INSYN2A: variants seen among roughly 807,000 people sequenced by gnomAD.
INSYN2A encodes family with sequence similarity 196 member A.
A neutral mutation model predicts 39.4 loss-of-function variants in INSYN2A; 17 were observed. The ratio of observed to expected loss-of-function variants is 0.43; its 90% CI spans 0.30 to 0.65. The LOEUF (loss-of-function observed/expected upper bound fraction) is 0.65, where lower values mean the gene tolerates loss of function less well. Ranked by LOEUF, INSYN2A falls within the 30% of genes least tolerant of loss-of-function variation. The pLI is 0.14. For missense variants in INSYN2A, 595 were observed against 631.2 expected (o/e 0.94, Z 0.61); for synonymous variants, 255 against 265.7 (o/e 0.96, Z 0.39).
At chr10:127,143,838 TTTG>T (rs2051516358) in intron 5 of INSYN2A, among the ~76,000 whole-genome samples, 2 of 152,122 alleles carry the variant, frequency 1.3e-5, no homozygotes, top group Admixed American at 1.3e-4. Context: ...ACCCCAAATA[TTTG>T]TTGTTCTCTT....
At chr10:127,172,493 TC>T (rs1261985941) in intron 4 of INSYN2A, among the ~76,000 whole-genome samples, 1 of 152,150 alleles carries the variant, frequency 6.6e-6, no homozygotes, top group Non-Finnish European at 1.5e-5. Context: ...GCTGCAGTCC[TC>T]TCCTATGTTC....
At chr10:127,187,525 T>C (rs1338592154) in intron 2 of INSYN2A, among the ~76,000 whole-genome samples, 1 of 152,104 alleles carries the variant, frequency 6.6e-6, no homozygotes, top group African/African-American at 2.4e-5. Flanking sequence ...TAAAAGTTGT[T>C]TTGGTTTTTG....
intron 4 of INSYN2A, among the ~76,000 whole-genome samples, chr10:127,164,970 G>T (rs997385310): frequency 4.6e-5 from 7 of 152,170 alleles, no homozygotes; most frequent in African/African-American, 1.4e-4. Flanking sequence ...TTATTTTCCT[G>T]GAGGAGAGAT....
chr10:127,165,898 C>G (rs2054025312), intron 4 of INSYN2A, among the ~76,000 whole-genome samples: 1 of 152,170 alleles, frequency 6.6e-6, no homozygotes, highest in Non-Finnish European at 1.5e-5. Flanking sequence ...GAGGGGATCT[C>G]TGCTGTCTCT....
At chr10:127,154,413 A>G (rs2052828239) in intron 4 of INSYN2A, among the ~76,000 whole-genome samples, 1 of 152,174 alleles carries the variant, frequency 6.6e-6, no homozygotes, top group South Asian at 2.1e-4. Flanking sequence ...TAAGCACTTG[A>G]AAAAAAATTG....
rs776080946 is a variant in INSYN2A, at chr10:127,191,543, G to T, written c.-269+1062C>A. Among the ~76,000 whole-genome samples the T allele has an allele frequency of 7.9e-5, 12 of 152,090 alleles. No individual in the cohort carries two copies. In the South Asian group the frequency reaches 1.7e-3, roughly 21 times the overall value. On this transcript the variant is annotated intron_variant, in intron 2 of 5. Transcript: ENST00000522781. ...CTGTACAAAATGCAGGTAGTAAGAG[G>T]TATCTAAAATGTAACCACTAAGTAC...
chr10:127,180,991 C>T (rs943698576), intron 2 of INSYN2A, among the ~76,000 whole-genome samples: 11 of 151,934 alleles, frequency 7.2e-5, no homozygotes, highest in Admixed American at 5.2e-4. Context: ...ATGAAAATAA[C>T]ACAAGGTAAA....
intron 2 of INSYN2A, among the ~76,000 whole-genome samples, chr10:127,189,815 C>T (rs368942287): frequency 3.3e-5 from 5 of 152,132 alleles, no homozygotes; most frequent in Middle Eastern, 3.4e-3. Context: ...GTGTGATTTA[C>T]GCAAGGAAAA....
chr10:127,187,789 AG>A lies in INSYN2A; in HGVS notation c.-269+4815del, dbSNP rs2056420181. On this transcript the variant is annotated intron_variant, in intron 2 of 5. Transcript: ENST00000522781. ...AAGAAAAGAGAGAGAAAAGCAAGCA[AG>A]CAAGCAAGCAAAAGCAAAAGCATAT... 2.0e-5 allele frequency among the ~76,000 whole-genome samples: 3 copies of A among 152,312 alleles called. No individual in the cohort carries two copies. In the South Asian group the frequency reaches 6.2e-4, roughly 32 times the overall value.
Position 127,175,558 on chromosome 10 carries a change from A to G in INSYN2A, c.838T>C (p.Ser280Pro). The change falls in exon 4 of 6, where the codon TCA becomes CCA. Residue 280 changes from serine (S) to proline (P), a missense_variant. Ser to Pro is a moderately conservative substitution (Grantham distance 74, BLOSUM62 -1). Coordinates refer to ENST00000522781, the MANE Select transcript of INSYN2A (RefSeq NM_001039762.3). The surrounding 1 kb of genome is among the most constrained non-coding windows in gnomAD (Gnocchi z 6.3). The stretch of plus-strand genomic sequence containing the variant: ...CGCTCGTCATCTGCCGGGCAGAGTG[A>G]CCACTGGCTGGCGGCTGCAGAGTCT... ...LSDSAAASQW[S>P]LCPADDERRR... The G allele has an allele frequency of 6.2e-7, 1 of 1,611,900 alleles. No individual in the cohort carries two copies. The highest frequency in any genetic ancestry group is 8.5e-7 in the Non-Finnish European group (1 of 1,179,970).
At chr10:127,157,268 C>T (rs190274386) in intron 4 of INSYN2A, among the ~76,000 whole-genome samples, 5 of 152,208 alleles carry the variant, frequency 3.3e-5, no homozygotes, top group Non-Finnish European at 4.4e-5. Flanking sequence ...ACACAAAGAC[C>T]GTCACGTGTT....
At chr10:127,139,335 T>C (rs932873224) in intron 5 of INSYN2A, among the ~76,000 whole-genome samples, 2 of 152,162 alleles carry the variant, frequency 1.3e-5, no homozygotes, top group African/African-American at 4.8e-5. Flanking sequence ...CCATTTCATG[T>C]TTTAAATCCA....
intron 5 of INSYN2A, among the ~76,000 whole-genome samples, chr10:127,145,060 CCG>C: frequency 6.6e-6 from 1 of 152,148 alleles, no homozygotes; most frequent in African/African-American, 2.4e-5. Context: ...TGGATGTTTT[CCG>C]TGACCATACT....
At chr10:127,152,841 G>C (rs1419106916) in intron 5 of INSYN2A, among the ~76,000 whole-genome samples, 1 of 152,148 alleles carries the variant, frequency 6.6e-6, no homozygotes, top group Non-Finnish European at 1.5e-5. Context: ...AAGGTCTCCA[G>C]GTGACCCAGC....
intron 4 of INSYN2A, among the ~76,000 whole-genome samples, chr10:127,159,281 A>T (rs1487926915): frequency 3.3e-5 from 5 of 152,168 alleles, no homozygotes; most frequent in Admixed American, 3.3e-4. Flanking sequence ...AACTTGGCTT[A>T]CAGAACACAG....
At chr10:127,156,346 T>C (rs1351263580) in intron 4 of INSYN2A, among the ~76,000 whole-genome samples, 2 of 152,112 alleles carry the variant, frequency 1.3e-5, no homozygotes, top group Non-Finnish European at 2.9e-5. Flanking sequence ...CTTGCTTGTA[T>C]GCTGGGGCTG....
chr10:127,174,905 A>T (rs919825572), intron 4 of INSYN2A, among the ~76,000 whole-genome samples: 2 of 152,178 alleles, frequency 1.3e-5, no homozygotes, highest in Non-Finnish European at 2.9e-5. Flanking sequence ...TACATTATCA[A>T]TATCATAAAC....
chr10:127,175,782 C>T lies in INSYN2A; in HGVS notation c.614G>A (p.Gly205Glu), dbSNP rs762505186. ...AGTGGAGTTTTGGAGCGCAGCTTCT[C>T]CATAGCTGAGCGGCTCCGGGCTTTT... is the stretch of plus-strand genomic sequence containing the variant. ...PCKSPEPLSYGEAALQNSTRP... is the reference protein window; with the variant it reads ...PCKSPEPLSYEEAALQNSTRP... Residue 205 changes from glycine (G) to glutamate (E), a missense_variant, in exon 4 of 6, where the codon GGA becomes GAA. By Grantham distance (98) the Gly-to-Glu change is moderately conservative (BLOSUM62 -2). Coordinates refer to ENST00000522781, the MANE Select transcript of INSYN2A (RefSeq NM_001039762.3). This position sits in a 1 kb window ranked among gnomAD's most constrained non-coding sequence, Gnocchi z 6.3. The T allele has an allele frequency of 2.4e-5, 39 of 1,613,982 alleles. No homozygotes were observed. The Admixed American group carries it at 3.3e-4, about 14-fold the overall frequency.
At chr10:127,194,371 T>A (rs1280322441) in intron 1 of INSYN2A, among the ~76,000 whole-genome samples, 1 of 152,242 alleles carries the variant, frequency 6.6e-6, no homozygotes, top group African/African-American at 2.4e-5. Flanking sequence ...TTCCATTTTT[T>A]CTTTGAGCTC....
Sources: gnomAD v4.1 joint callset for allele counts (sites outside exome capture counted in the v4.1 genomes callset) on GRCh38, gnomAD v4.1.1 for gene constraint, Gnocchi (gnomAD v3.1) non-coding constraint, MANE v1.5 for transcripts, NCBI Gene and HGNC (gene_info 2026-07-23, HGNC 2026-07-21) for gene names.